The following RETSAT variants were observed in gnomAD, a reference collection of about 807,000 sequenced individuals.
RETSAT encodes retinol saturase, also known as all-trans-retinol 13,14-reductase.
RETSAT carries 35 observed loss-of-function variants against 61.6 expected under a neutral mutation model. The observed-to-expected ratio is 0.57, with a 90% confidence interval of 0.43 to 0.75. The LOEUF is 0.75. RETSAT is among the 30% of genes least tolerant of loss of function. The probability of loss-of-function intolerance (pLI) is 0.00; values close to 1 mark genes in which losing one functional copy is unlikely to be tolerated. For missense variants in RETSAT, 670 were observed against 759.5 expected (o/e 0.88, Z 1.38); for synonymous variants, 277 against 310.4 (o/e 0.89, Z 1.13).
intron 5 of RETSAT, among the ~76,000 whole-genome samples, chr2:85,348,591 A>ACTG (rs902186388): frequency 1.5e-5 from 2 of 135,210 alleles, no homozygotes; most frequent in African/African-American, 5.5e-5. Flanking sequence ...AGATCACACC[A>ACTG]CTGGACTCCA....
chr2:85,347,468 C>G (rs1683222062), intron 5 of RETSAT, among the ~76,000 whole-genome samples: 1 of 151,970 alleles, frequency 6.6e-6, no homozygotes, highest in Non-Finnish European at 1.5e-5. Flanking sequence ...ACCTTGTGAT[C>G]CACCCACCTC....
rs2104432921 is a variant in RETSAT at position 85,344,364 on chromosome 2, G to A, written c.1257-16C>T. The stretch of plus-strand genomic sequence containing the variant: ...GCGCTCCATCCTGCATGTGACAAGA[G>A]TGTGGTGGGATCTCCAGGTTTTTGT... On this transcript the variant is annotated splice_polypyrimidine_tract_variant and intron_variant, in intron 7 of 10. Transcript: ENST00000295802. The A allele has an allele frequency of 6.2e-7, 1 of 1,612,120 alleles. No homozygotes were observed. Among genetic ancestry groups the A allele is most frequent in the Non-Finnish European group, 8.5e-7 (1 of 1,178,230 alleles).
intron 6 of RETSAT, among the ~76,000 whole-genome samples, chr2:85,345,160 G>A (rs1483291582): frequency 6.6e-6 from 1 of 152,200 alleles, no homozygotes; most frequent in African/African-American, 2.4e-5. Flanking sequence ...GCTCCTGAGA[G>A]TCTGAGAGAG....
chr2:85,343,712 G>T lies in RETSAT; in HGVS notation c.1620C>A (p.Asp540Glu). 3 of 1,614,132 alleles carry T rather than the reference G, an allele frequency of 1.9e-6. No individual in the cohort carries two copies. The highest frequency in any genetic ancestry group is 2.5e-6 in the Non-Finnish European group (3 of 1,179,956). Residue 540 changes from aspartate to glutamate, a missense_variant, in exon 10 of 11, where the codon GAC becomes GAA. Asp to Glu is a conservative substitution (Grantham distance 45, BLOSUM62 2). Transcript: ENST00000295802. ...PRGACYGADHDLGRLHPCVMA... is the reference protein window; with the variant it reads ...PRGACYGADHELGRLHPCVMA... Reference sequence around the variant, plus strand: ...TCACACAAGGGTGCAGGCGGCCCAGGTCATGGTCAGCCCCGTAGCAGGCAC... The same window carrying T: ...TCACACAAGGGTGCAGGCGGCCCAGTTCATGGTCAGCCCCGTAGCAGGCAC...
chr2:85,344,705 C>T lies in RETSAT; in HGVS notation c.1145G>A (p.Arg382Gln), dbSNP rs202177247. Residue 382 changes from arginine (R) to glutamine (Q), a missense_variant, in exon 7 of 11, where the codon CGG (arginine) becomes CAG (glutamine). Arg to Gln is a conservative substitution (Grantham distance 43). Transcript: ENST00000295802. ...AACAGAGGTCATGCCTAAGCCGGGC[C>T]GCACCGTCCCCAGTTGCTGCTTCAC... Reference protein sequence around the residue: ...PGVKQQLGTVRPGLGMTSVFI... With the variant: ...PGVKQQLGTVQPGLGMTSVFI... 98 of 1,614,088 alleles carry T rather than the reference C, an allele frequency of 6.1e-5. 1 individual carries two copies. The highest frequency in any genetic ancestry group is 1.8e-4 in the East Asian group (8 of 44,858).
At position 85,345,991 on chromosome 2, in the gene RETSAT, G is replaced by T. The variant is rs138319569; in HGVS notation, c.1101C>A (p.Asn367Lys). The T allele has an allele frequency of 6.2e-7, 1 of 1,614,166 alleles. No homozygotes were observed. The highest frequency in any genetic ancestry group is 2.2e-5 in the East Asian group (1 of 44,876). Residue 367 changes from asparagine (N) to lysine (K), a missense_variant, in exon 6 of 11, where the codon AAC (asparagine) becomes AAA (lysine). Transcript: ENST00000295802. ...FNTYEHLLPGNARCLPGVKQQ... is the reference protein window; with the variant it reads ...FNTYEHLLPGKARCLPGVKQQ... The stretch of plus-strand genomic sequence containing the variant: ...GCCTTTTACCTGGCAGGCAGCGGGC[G>T]TTCCCCGGCAGTAGGTGTTCATAGG...
In RETSAT at chr2:85,350,951, C is replaced by T; in HGVS notation, c.426G>A (p.Gly142=). 1 of 1,614,180 alleles carries T rather than the reference C, an allele frequency of 6.2e-7. No individual in the cohort carries two copies. The highest frequency in any genetic ancestry group is 8.5e-7 in the Non-Finnish European group (1 of 1,180,032). The change falls in exon 3 of 11, where the codon GGG becomes GGA. Residue 142 remains glycine, a synonymous_variant. Coordinates refer to ENST00000295802, the MANE Select transcript of RETSAT (RefSeq NM_017750.4). ...GRFILDQITE[G]QLDWAPLSSP... is the part of the protein sequence containing the mutation. ...AGGACAGGGGAGCCCAGTCCAGCTG[C>T]CCTTCAGTGATCTGGTCCAAGATAA...
chr2:85,352,308 A>G (rs968599633), intron 1 of RETSAT, among the ~76,000 whole-genome samples: 7 of 152,014 alleles, frequency 4.6e-5, no homozygotes, highest in African/African-American at 1.5e-4. Flanking sequence ...CAGTGGCGCA[A>G]TCTCCGCTTA....
intron 1 of RETSAT, among the ~76,000 whole-genome samples, chr2:85,353,900 G>C (rs750222854): frequency 6.6e-6 from 1 of 152,232 alleles, no homozygotes; most frequent in African/African-American, 2.4e-5. Flanking sequence ...ACCATGCAAA[G>C]CCTGTTAAAT....
rs751717146 is a variant in RETSAT at position 85,344,591 on chromosome 2, T to G, written c.1256+3A>C. Reference sequence around the variant, plus strand: ...CACACATACACACACACGTGCACCTTACGCCTGGTCCATGTCCGTGTCATA... The same window carrying G: ...CACACATACACACACACGTGCACCTGACGCCTGGTCCATGTCCGTGTCATA... On this transcript the variant is annotated splice_donor_region_variant and intron_variant, in intron 7 of 10. Coordinates refer to ENST00000295802, the MANE Select transcript of RETSAT (RefSeq NM_017750.4). 8.7e-6 allele frequency: 14 copies of G among 1,613,990 alleles called. No homozygotes were observed. Among genetic ancestry groups the G allele is most frequent in the African/African-American group, 1.3e-5 (1 of 74,932 alleles).
At chr2:85,352,317 T>C (rs1469713432) in intron 1 of RETSAT, among the ~76,000 whole-genome samples, 1 of 151,882 alleles carries the variant, frequency 6.6e-6, no homozygotes, top group East Asian at 1.9e-4. Flanking sequence ...AATCTCCGCT[T>C]ACTGCAAGCT....
Position 85,346,100 on chromosome 2 carries a change from G to A in RETSAT, c.998-6C>T. On this transcript the variant is annotated splice_region_variant and splice_polypyrimidine_tract_variant and intron_variant, in intron 5 of 10. Transcript: ENST00000295802. ...CCCCTTCTTCACACTGACACCTGCA[G>A]GCACAAGAGCTTGGCTGAGGGTCTG... The A allele has an allele frequency of 6.2e-7, 1 of 1,609,214 alleles. No individual in the cohort carries two copies.
chr2:85,345,420 G>T, intron 6 of RETSAT: 1 of 225,036 alleles, frequency 4.4e-6, no homozygotes, highest in Middle Eastern at 1.8e-3. Flanking sequence ...TCCTGCACCA[G>T]TCAAGGTTTC....
rs181814741 is a variant in RETSAT, at chr2:85,344,196, C to T, written c.1367-31G>A. The T allele has an allele frequency of 6.8e-6, 11 of 1,614,100 alleles. No homozygotes were observed. The African/African-American group carries it at 1.1e-4, about 16-fold the overall frequency. ...GATCAGAGCTGATATTACTACTGCCCGGCCTCTCCCTCCACCCCCTCACCC... is the reference window on the plus strand; with the variant it reads ...GATCAGAGCTGATATTACTACTGCCTGGCCTCTCCCTCCACCCCCTCACCC... On this transcript the variant is annotated intron_variant, in intron 8 of 10. Transcript: ENST00000295802.
chr2:85,348,554 C>T (rs1443628033), intron 5 of RETSAT, among the ~76,000 whole-genome samples: 1 of 146,142 alleles, frequency 6.8e-6, no homozygotes, highest in African/African-American at 2.6e-5. Context: ...ATGGCATGAA[C>T]CAGGAGGCGG....
At chr2:85,350,742 C>G (rs760170331) in intron 3 of RETSAT, 38 bp downstream of exon 3, 1 of 1,612,410 alleles carries the variant, frequency 6.2e-7, no homozygotes, top group Non-Finnish European at 8.5e-7. Context: ...CCAGCCTTAT[C>G]GAGAACAAAC....
chr2:85,354,065 A>C (rs1683377146), intron 1 of RETSAT, among the ~76,000 whole-genome samples: 1 of 152,262 alleles, frequency 6.6e-6, no homozygotes, highest in Non-Finnish European at 1.5e-5. Context: ...CACGGGGATT[A>C]CAAGTGGCAG....
At chr2:85,344,838 T>C in intron 6 of RETSAT, 106 bp from the exon 7 acceptor site, 1 of 1,316,298 alleles carries the variant, frequency 7.6e-7, no homozygotes, top group Non-Finnish European at 1.0e-6. Flanking sequence ...GCCTGAGGCA[T>C]GCCGGGCCCC....
rs145057327 is a variant in RETSAT at position 85,342,802 on chromosome 2, G to A, written c.*440C>T. On this transcript the variant is annotated 3_prime_UTR_variant, in exon 11 of 11. Coordinates refer to ENST00000295802, the MANE Select transcript of RETSAT (RefSeq NM_017750.4). ...CATTAGTCTCCCTTTTCCCTTGACA[G>A]TGTAGAACTGTGCAGCGTAGCACTA... 9,893 of 159,510 alleles carry A rather than the reference G, an allele frequency of 0.062. 369 individuals carry two copies. The highest frequency in any genetic ancestry group is 0.15 in the African/African-American group (6,061 of 40,564). 9.9% of individuals were successfully genotyped at this position (159,510 alleles called of 1,614,324 possible).
Sources: allele counts gnomAD v4.1 joint callset (sites outside exome capture counted in the v4.1 genomes callset), GRCh38; gene constraint gnomAD v4.1.1; transcripts MANE v1.5; gene names NCBI Gene and HGNC (gene_info 2026-07-23, HGNC 2026-07-21).